Variants in SLC7A10 observed in about 807,000 individuals in gnomAD.
SLC7A10 encodes asc-type amino acid transporter 1.
A neutral mutation model predicts 52.7 loss-of-function variants in SLC7A10; 30 were observed. That is an observed-to-expected ratio of 0.57 (90% CI 0.43 to 0.77). The LOEUF is 0.77. Ranked by LOEUF, SLC7A10 falls within the 30% of genes least tolerant of loss-of-function variation. The pLI, the probability that SLC7A10 is intolerant of heterozygous loss-of-function variation, is 0.00. For missense variants in SLC7A10, 581 were observed against 698.5 expected, an observed-to-expected ratio of 0.83 and a Z score of 1.90; for synonymous variants, 318 against 314.9, an observed-to-expected ratio of 1.01 and a Z score of -0.10.
chr19:33,225,801 CG>C lies in SLC7A10; in HGVS notation c.-99del. On this transcript the variant is annotated 5_prime_UTR_variant, in exon 1 of 11. The change creates a premature stop within an existing upstream ORF in the 5' untranslated region. Coordinates refer to ENST00000253188, the MANE Select transcript of SLC7A10 (RefSeq NM_019849.3). ...TCCGTGAGCTCACGGCCCTCGCAGC[CG>C]GGACAGCGCCCACAGGCGGGCGCAT... 7.7e-7 allele frequency: 1 copy of C among 1,294,548 alleles called. No individual in the cohort carries two copies. Among genetic ancestry groups the C allele is most frequent in the South Asian group, 2.0e-5 (1 of 51,002 alleles). 80.2% of individuals were successfully genotyped at this position (1,294,548 alleles called of 1,614,324 possible).
At chr19:33,217,036 GTT>G (rs550760579) in intron 1 of SLC7A10, among the ~76,000 whole-genome samples, 1 of 144,994 alleles carries the variant, frequency 6.9e-6, no homozygotes, top group Non-Finnish European at 1.5e-5. Flanking sequence ...CCACACCCAG[GTT>G]TTTTTTTTTT....
At chr19:33,215,637 ACACCTTCTCTCCATCCAC>A in intron 2 of SLC7A10, 114 bp downstream of exon 2, 1 of 335,748 alleles carries the variant, frequency 3.0e-6, no homozygotes, top group Non-Finnish European at 4.1e-6. Context: ...TCCACCCCCC[ACACCTTCTCTCCATCCAC>A]CCCCACGACC....
intron 1 of SLC7A10, among the ~76,000 whole-genome samples, chr19:33,222,480 A>AAAT (rs1815066845): frequency 7.0e-6 from 1 of 142,898 alleles, no homozygotes; most frequent in Non-Finnish European, 1.5e-5. Context: ...AAATAAAATA[A>AAAT]AATAAAATAA....
rs1401118208 is a variant in SLC7A10 at position 33,215,885 on chromosome 19, G to A, written c.240C>T (p.Val80=). 6.2e-7 allele frequency: 1 copy of A among 1,610,644 alleles called. No homozygotes were observed. Among genetic ancestry groups the A allele is most frequent in the Non-Finnish European group, 8.5e-7 (1 of 1,178,756 alleles). The change falls in exon 2 of 11, where the codon GTC becomes GTT. Residue 80 remains valine (V), a synonymous_variant. Coordinates refer to ENST00000253188, the MANE Select transcript of SLC7A10 (RefSeq NM_019849.3). ...CCAGAGCCGTCACGCCCCCACCCAGGACCCAGACGAACAGGGCCAGACCCA... is the reference window on the plus strand; with the variant it reads ...CCAGAGCCGTCACGCCCCCACCCAGAACCCAGACGAACAGGGCCAGACCCA... The part of the protein sequence containing the change: ...GSVGLALFVW[V]LGGGVTALGS...
rs753757814 is a variant in SLC7A10 at position 33,208,868 on chromosome 19, C to T, written c.*23G>A. 4 of 1,603,868 alleles carry T rather than the reference C, an allele frequency of 2.5e-6. No homozygotes were observed. In the South Asian group the frequency reaches 4.4e-5, roughly 18 times the overall value. On this transcript the variant is annotated 3_prime_UTR_variant, in exon 11 of 11. Transcript: ENST00000253188. This position sits in a 1 kb window ranked among gnomAD's most constrained non-coding sequence, Gnocchi z 4.7. ...ATAAACAACATGTAAACAGAAACAA[C>T]TGCTTCAGTCTCTACAAAAATCTCA...
intron 1 of SLC7A10, among the ~76,000 whole-genome samples, chr19:33,225,351 C>T (rs142683608): frequency 4.6e-5 from 7 of 152,348 alleles, no homozygotes; most frequent in African/African-American, 1.4e-4. Flanking sequence ...GTGCAGGCGG[C>T]CGGGAGGTGG....
intron 1 of SLC7A10, among the ~76,000 whole-genome samples, chr19:33,216,742 T>C (rs544348756): frequency 9.9e-5 from 15 of 152,246 alleles, no homozygotes; most frequent in South Asian, 2.1e-4. Flanking sequence ...GCCTGGCTAA[T>C]ATTTTTTGTA....
rs1974545686 is a variant in SLC7A10, at chr19:33,211,283, C to T, written c.958G>A (p.Val320Ile). 1.2e-6 allele frequency: 2 copies of T among 1,613,932 alleles called. No homozygotes were observed. The highest frequency in any genetic ancestry group is 1.3e-5 in the African/African-American group (1 of 74,912). The change falls in exon 7 of 11, where the codon GTC becomes ATC. Residue 320 changes from valine to isoleucine, a missense_variant. By Grantham distance (29) the Val-to-Ile change is conservative. Transcript: ENST00000253188. Reference sequence around the variant, plus strand: ...CCGAAGGTTGACAGAGCCACGGAGACAGGCATGACCCAAGAAAAGTAGCCC... The same window carrying T: ...CCGAAGGTTGACAGAGCCACGGAGATAGGCATGACCCAAGAAAAGTAGCCC... ...LLGYFSWVMP[V>I]SVALSTFGGI...
chr19:33,219,244 C>G (rs7258412), intron 1 of SLC7A10, among the ~76,000 whole-genome samples: 1 of 152,204 alleles, frequency 6.6e-6, no homozygotes, highest in East Asian at 1.9e-4. Context: ...CTTCCCTGAG[C>G]CTTCGCTGGG....
chr19:33,212,185 C>T (rs1298206300), intron 5 of SLC7A10, 107 bp downstream of exon 5: 14 of 1,505,568 alleles, frequency 9.3e-6, no homozygotes, highest in South Asian at 1.2e-5. Context: ...CGTGGGCCAC[C>T]GAGGACCAGC....
At chr19:33,222,027 A>G (rs1974820425) in intron 1 of SLC7A10, among the ~76,000 whole-genome samples, 1 of 152,120 alleles carries the variant, frequency 6.6e-6, no homozygotes, top group African/African-American at 2.4e-5. Context: ...TAGTTGGACA[A>G]GCTCCCAGCT....
intron 7 of SLC7A10, 120 bp downstream of exon 7, chr19:33,211,105 C>T (rs771649516): frequency 9.3e-7 from 1 of 1,076,278 alleles, no homozygotes; most frequent in Non-Finnish European, 1.4e-6. Context: ...GGATCATCAT[C>T]CCAGCTTCAG....
At position 33,225,735 on chromosome 19, in the gene SLC7A10, G is replaced by A. The variant is rs577645706; in HGVS notation, c.-32C>T. 2 of 1,477,694 alleles carry A rather than the reference G, an allele frequency of 1.4e-6. No homozygotes were observed. The highest frequency in any genetic ancestry group is 1.8e-6 in the Non-Finnish European group (2 of 1,122,424). 91.5% of individuals were successfully genotyped at this position (1,477,694 alleles called of 1,614,324 possible). On this transcript the variant is annotated 5_prime_UTR_variant, in exon 1 of 11. Transcript: ENST00000253188. Reference sequence around the variant, plus strand: ...GTCCCGCCGCGTCCCCGCTCCCTGCGCTGCCCCGTCTGTCCGGCCGGCCGC... The same window carrying A: ...GTCCCGCCGCGTCCCCGCTCCCTGCACTGCCCCGTCTGTCCGGCCGGCCGC...
intron 1 of SLC7A10, among the ~76,000 whole-genome samples, chr19:33,224,402 C>A (rs189402444): frequency 6.6e-6 from 1 of 152,018 alleles, no homozygotes. Context: ...GGTGAGATGG[C>A]GGAGTGACCT....
chr19:33,224,849 G>A (rs1009175), intron 1 of SLC7A10, among the ~76,000 whole-genome samples: 122,287 of 152,136 alleles, frequency 0.8, 50,488 homozygotes, highest in Non-Finnish European at 0.92. Context: ...TTGGAGTCCA[G>A]GGCCTCCAGA....
In SLC7A10 at chr19:33,225,220, A is replaced by T. The variant is rs138150667; in HGVS notation, c.151+333T>A. On this transcript the variant is annotated intron_variant, in intron 1 of 10. Coordinates refer to ENST00000253188, the MANE Select transcript of SLC7A10 (RefSeq NM_019849.3). ...GTCAAGTTCCTGCGCTAATCGCAGG[A>T]CTGCAGTCATGGCCATTTCACAGAT... Among the ~76,000 whole-genome samples the T allele has an allele frequency of 5.3e-5, 8 of 152,342 alleles. No individual in the cohort carries two copies. In the East Asian group the frequency reaches 1.5e-3, roughly 29 times the overall value.
At chr19:33,211,163 A>G in intron 7 of SLC7A10, 62 bp downstream of exon 7, 2 of 1,483,130 alleles carry the variant, frequency 1.3e-6, no homozygotes, top group Non-Finnish European at 1.9e-6. Context: ...CCACGGCATG[A>G]CTGGTGCACA....
intron 1 of SLC7A10, among the ~76,000 whole-genome samples, chr19:33,221,969 C>T (rs777435981): frequency 2.6e-5 from 4 of 152,228 alleles, no homozygotes; most frequent in South Asian, 4.1e-4. Context: ...CTTCCCTGGC[C>T]GTCTGTCTGT....
chr19:33,219,622 G>A (rs1179485414), intron 1 of SLC7A10, among the ~76,000 whole-genome samples: 1 of 152,242 alleles, frequency 6.6e-6, no homozygotes, highest in African/African-American at 2.4e-5. Context: ...ACTGGGCTAG[G>A]GGGCAGCAGA....
Sources: allele counts gnomAD v4.1 joint callset (sites outside exome capture counted in the v4.1 genomes callset), GRCh38; gene constraint gnomAD v4.1.1; non-coding constraint Gnocchi (gnomAD v3.1); transcripts MANE v1.5; gene names NCBI Gene and HGNC (gene_info 2026-07-23, HGNC 2026-07-21).